BAIAP2L1: variants seen among roughly 807,000 people sequenced by gnomAD.
BAIAP2L1 encodes BAR/IMD domain containing adaptor protein 2 like 1.
BAIAP2L1 carries 35 observed loss-of-function variants against 66.3 expected under a neutral mutation model. The observed-to-expected ratio is 0.53, with a 90% CI of 0.40 to 0.70. The LOEUF is 0.70. Ranked by LOEUF, BAIAP2L1 falls within the 30% of genes least tolerant of loss-of-function variation. The probability of loss-of-function intolerance (pLI) is 0.00; values close to 1 mark genes in which losing one functional copy is unlikely to be tolerated. For synonymous variants in BAIAP2L1, 269 were observed against 248.7 expected (o/e 1.08, Z -0.77); for missense variants, 622 against 656.9 (o/e 0.95, Z 0.58).
At chr7:98,352,628 T>C (rs1365178232) in intron 3 of BAIAP2L1, among the ~76,000 whole-genome samples, 1 of 151,936 alleles carries the variant, frequency 6.6e-6, no homozygotes, top group Non-Finnish European at 1.5e-5. Context: ...GGTGATGGAG[T>C]GAGGTTCCGT....
At chr7:98,400,159 G>C (rs1282651883) in intron 1 of BAIAP2L1, 1 of 150,542 alleles carries the variant, frequency 6.6e-6, no homozygotes, top group East Asian at 2.0e-4. Context: ...ACGCACAACA[G>C]ACCCCTCCCC....
At chr7:98,373,574 C>CTGAG (rs1228586938) in intron 1 of BAIAP2L1, among the ~76,000 whole-genome samples, 1 of 152,150 alleles carries the variant, frequency 6.6e-6, no homozygotes, top group African/African-American at 2.4e-5. Context: ...TCTAGAAAGC[C>CTGAG]TGAGTCTCTT....
chr7:98,301,369 G>A (rs1800411630), intron 12 of BAIAP2L1, among the ~76,000 whole-genome samples: 1 of 152,110 alleles, frequency 6.6e-6, no homozygotes, highest in African/African-American at 2.4e-5. Flanking sequence ...CGCATAAGGA[G>A]GGCATTCTCA....
chr7:98,338,015 T>C (rs868291879), intron 3 of BAIAP2L1, among the ~76,000 whole-genome samples: 2 of 152,224 alleles, frequency 1.3e-5, no homozygotes, highest in South Asian at 4.1e-4. Flanking sequence ...ATACCCCATA[T>C]TGGCATACTT....
chr7:98,293,116 T>A lies in BAIAP2L1; in HGVS notation c.*405A>T. 1 of 402,908 alleles carries A rather than the reference T, an allele frequency of 2.5e-6. No individual in the cohort carries two copies. Among genetic ancestry groups the A allele is most frequent in the Non-Finnish European group, 3.6e-6 (1 of 279,254 alleles). The allele number at this position is 402,908 out of a possible 1,614,324, so 25.0% of individuals were successfully genotyped here. On this transcript the variant is annotated 3_prime_UTR_variant, in exon 14 of 14. Transcript: ENST00000005260. ...ATATCTTCTTTAGACATAATGCTAT[T>A]AAGAGCACATGCTTTATAAAATAAA...
intron 6 of BAIAP2L1, among the ~76,000 whole-genome samples, chr7:98,316,916 T>C (rs1289794361): frequency 1.3e-5 from 2 of 151,436 alleles, no homozygotes; most frequent in Non-Finnish European, 2.9e-5. Flanking sequence ...CAGGCTGGAG[T>C]GCAGTGGCAT....
At chr7:98,399,552 G>A (rs2115877259) in intron 1 of BAIAP2L1, among the ~76,000 whole-genome samples, 1 of 152,184 alleles carries the variant, frequency 6.6e-6, no homozygotes, top group Non-Finnish European at 1.5e-5. Context: ...CCAACCAACC[G>A]ACCAACCATT....
At chr7:98,297,806 G>A (rs1359523497) in intron 12 of BAIAP2L1, among the ~76,000 whole-genome samples, 1 of 152,232 alleles carries the variant, frequency 6.6e-6, no homozygotes, top group Non-Finnish European at 1.5e-5. Flanking sequence ...TCTCAGGAGG[G>A]GCTCACGCCA....
intron 3 of BAIAP2L1, among the ~76,000 whole-genome samples, chr7:98,352,030 T>G (rs1802011648): frequency 6.6e-6 from 1 of 152,118 alleles, no homozygotes; most frequent in Non-Finnish European, 1.5e-5. Context: ...ACGGAGTAAC[T>G]AGACAATAAA....
At chr7:98,364,988 A>AAAAAAAAAC (rs1802361002) in intron 1 of BAIAP2L1, among the ~76,000 whole-genome samples, 1 of 37,962 alleles carries the variant, frequency 2.6e-5, no homozygotes, top group Non-Finnish European at 5.0e-5. Flanking sequence ...ATATGTCTCA[A>AAAAAAAAAC]AAAAAAAAAA....
In BAIAP2L1 at chr7:98,360,077, C is replaced by T. The variant is rs751634946; in HGVS notation, c.127+2280G>A. Among the ~76,000 whole-genome samples the T allele has an allele frequency of 4.6e-5, 7 of 152,206 alleles. No homozygotes were observed. The South Asian group carries it at 6.2e-4, about 14-fold the overall frequency. ...AGTTGGGATCACAGGCACGTGCCAC[C>T]ACTCCCGGCTAAATTTTGTATTTTT... On this transcript the variant is annotated intron_variant, in intron 2 of 13. Coordinates refer to ENST00000005260, the MANE Select transcript of BAIAP2L1 (RefSeq NM_018842.5).
chr7:98,339,034 T>C (rs1801677063), intron 3 of BAIAP2L1, among the ~76,000 whole-genome samples: 3 of 150,290 alleles, frequency 2.0e-5, no homozygotes, highest in Non-Finnish European at 3.0e-5. Flanking sequence ...GACTGTACCA[T>C]TGCACTCCAG....
At chr7:98,396,134 C>T (rs116583009) in intron 1 of BAIAP2L1, among the ~76,000 whole-genome samples, 118 of 152,188 alleles carry the variant, frequency 7.8e-4, no homozygotes, top group African/African-American at 2.5e-3. Flanking sequence ...TACAGTGGCA[C>T]CATTTCAGTA....
chr7:98,335,950 A>G (rs1801607544), intron 3 of BAIAP2L1, among the ~76,000 whole-genome samples: 1 of 152,218 alleles, frequency 6.6e-6, no homozygotes, highest in African/African-American at 2.4e-5. Flanking sequence ...AATGATAGAC[A>G]GGGGGTCTAA....
At chr7:98,312,694 C>G (rs897987932) in intron 7 of BAIAP2L1, among the ~76,000 whole-genome samples, 1 of 152,142 alleles carries the variant, frequency 6.6e-6, no homozygotes, top group Non-Finnish European at 1.5e-5. Flanking sequence ...TGACTCTGAC[C>G]GATTCAGACA....
chr7:98,299,968 G>A (rs1800354325), intron 12 of BAIAP2L1, among the ~76,000 whole-genome samples: 1 of 152,190 alleles, frequency 6.6e-6, no homozygotes, highest in African/African-American at 2.4e-5. Flanking sequence ...TTGAGCCCGG[G>A]AAGTGGAGGT....
intron 1 of BAIAP2L1, among the ~76,000 whole-genome samples, chr7:98,393,134 C>A (rs749512299): frequency 1.4e-5 from 1 of 71,462 alleles, no homozygotes; most frequent in Non-Finnish European, 3.1e-5. Flanking sequence ...TATATATACA[C>A]ACATATGTGT....
intron 12 of BAIAP2L1, among the ~76,000 whole-genome samples, chr7:98,295,011 G>C (rs547750213): frequency 6.6e-6 from 1 of 152,348 alleles, no homozygotes; most frequent in Non-Finnish European, 1.5e-5. Flanking sequence ...GGAGAGGGCA[G>C]TGTAACACTG....
intron 3 of BAIAP2L1, among the ~76,000 whole-genome samples, chr7:98,352,585 G>A (rs1297691306): frequency 1.3e-5 from 2 of 152,038 alleles, no homozygotes; most frequent in African/African-American, 4.8e-5. Context: ...GAGGCTGCAG[G>A]GAGCCAAGAT....
Sources: allele counts gnomAD v4.1 joint callset (sites outside exome capture counted in the v4.1 genomes callset), GRCh38; gene constraint gnomAD v4.1.1; transcripts MANE v1.5; gene names NCBI Gene and HGNC (gene_info 2026-07-23, HGNC 2026-07-21).